Variants in DHRSX observed in about 807,000 individuals in gnomAD.
DHRSX encodes the protein dehydrogenase/reductase X-linked.
Under a neutral mutation model 34.0 loss-of-function variants are expected in DHRSX, and 31 were observed. That is an observed-to-expected ratio of 0.91 (90% CI 0.69 to 1.23). The LOEUF is 1.23. DHRSX is among the 50% of genes most tolerant of loss of function. The probability of loss-of-function intolerance (pLI) is 0.00; values close to 1 mark genes in which losing one functional copy is unlikely to be tolerated. For synonymous variants in DHRSX, 201 were observed against 183.8 expected (o/e 1.09, Z -0.76); for missense variants, 414 against 428.1 (o/e 0.97, Z 0.29).
At chrX:2,474,359 T>G (rs1259126869) in intron 1 of DHRSX, among the ~76,000 whole-genome samples, 1 of 152,064 alleles carries the variant, frequency 6.6e-6, no homozygotes, top group Non-Finnish European at 1.5e-5. Flanking sequence ...TCCCTAAGAA[T>G]GGGGCCAAGG....
intron 4 of DHRSX, among the ~76,000 whole-genome samples, chrX:2,289,384 T>C (rs1429548342): frequency 1.3e-5 from 2 of 152,074 alleles, no homozygotes; most frequent in African/African-American, 2.4e-5. Flanking sequence ...TCCCAAAGTG[T>C]TGGGATTACA....
intron 1 of DHRSX, among the ~76,000 whole-genome samples, chrX:2,466,824 G>A (rs908974270): frequency 1.3e-5 from 2 of 152,072 alleles, no homozygotes; most frequent in African/African-American, 4.8e-5. Context: ...CCAGCCCTTT[G>A]GGAGGCCAAG....
intron 1 of DHRSX, among the ~76,000 whole-genome samples, chrX:2,450,232 G>A (rs4892906): frequency 0.54 from 81,973 of 151,880 alleles, 23,613 homozygotes; most frequent in African/African-American, 0.74. Flanking sequence ...CACTTGTCAA[G>A]AACAGTGTTT....
chrX:2,304,023 TGATGGATG>T (rs745829295), intron 3 of DHRSX, among the ~76,000 whole-genome samples: 6,086 of 67,720 alleles, frequency 0.09, 232 homozygotes, highest in African/African-American at 0.16. Context: ...ATGGATGAAC[TGATGGATG>T]GATGGATGGA....
intron 3 of DHRSX, among the ~76,000 whole-genome samples, chrX:2,340,428 G>T (rs2042625974): frequency 6.6e-6 from 1 of 151,342 alleles, no homozygotes; most frequent in Non-Finnish European, 1.5e-5. Context: ...GTATTCCATG[G>T]TGTGTGTGTG....
intron 3 of DHRSX, among the ~76,000 whole-genome samples, chrX:2,361,134 G>A (rs1305078063): frequency 6.6e-6 from 1 of 152,024 alleles, no homozygotes; most frequent in Non-Finnish European, 1.5e-5. Context: ...TTTGTGAGAT[G>A]GAGTTTTCAC....
At position 2,428,066 on chromosome X, in the gene DHRSX, C is replaced by T. The variant is rs960528413; in HGVS notation, c.110-2762G>A. ...CGGGAATTAAATAATGTGTACACGT[C>T]GACATAGAGCATAAAAAATAGACAT... On this transcript the variant is annotated intron_variant, in intron 1 of 6. Coordinates refer to ENST00000334651, the MANE Select transcript of DHRSX (RefSeq NM_145177.3). Among the ~76,000 whole-genome samples, 9 of 152,050 alleles carry T rather than the reference C, an allele frequency of 5.9e-5. No individual in the cohort carries two copies. In the South Asian group the frequency reaches 6.2e-4, roughly 11 times the overall value.
intron 3 of DHRSX, among the ~76,000 whole-genome samples, chrX:2,304,224 G>A (rs1169540976): frequency 3.8e-5 from 5 of 132,862 alleles, no homozygotes; most frequent in South Asian, 2.7e-4. Context: ...TGGATGGATG[G>A]ATGGATGGAT....
rs973984226 is a variant in DHRSX, at chrX:2,490,256, G to T, written c.109+10561C>A. Reference sequence around the variant, plus strand: ...GGGCAGCTCATACCGGGGGTCGGCCGTCTTCAGCAGCACCTTGAAGGTGGG... The same window carrying T: ...GGGCAGCTCATACCGGGGGTCGGCCTTCTTCAGCAGCACCTTGAAGGTGGG... On this transcript the variant is annotated intron_variant, in intron 1 of 6. Coordinates refer to ENST00000334651, the MANE Select transcript of DHRSX (RefSeq NM_145177.3). 1.9e-6 allele frequency: 3 copies of T among 1,613,802 alleles called. No individual in the cohort carries two copies. In the Admixed American group the frequency reaches 5.0e-5, roughly 27 times the overall value.
At position 2,349,618 on chromosome X, in the gene DHRSX, C is replaced by T. The variant is rs1348806980; in HGVS notation, c.287-58015G>A. ...AAGAGAATCACTTGAACTTGGGAGG[C>T]GGAGGTTGCAGTGAGCTGAGATCAC... is the stretch of plus-strand genomic sequence containing the variant. On this transcript the variant is annotated intron_variant, in intron 3 of 6. Coordinates refer to ENST00000334651, the MANE Select transcript of DHRSX (RefSeq NM_145177.3). 4.6e-5 allele frequency among the ~76,000 whole-genome samples: 7 copies of T among 151,792 alleles called. No individual in the cohort carries two copies. In the South Asian group the frequency reaches 1.0e-3, roughly 23 times the overall value.
Position 2,242,989 on chromosome X carries a change from G to A in DHRSX, c.804+34C>T, listed in dbSNP as rs772737814. On this transcript the variant is annotated intron_variant, in intron 6 of 6. Coordinates refer to ENST00000334651, the MANE Select transcript of DHRSX (RefSeq NM_145177.3). The stretch of plus-strand genomic sequence containing the variant: ...CCCCTTTCCTGTAGCATCTTCAGGT[G>A]CAGCCGTGAATCAGAGAAGCAGAAG... 8.1e-6 allele frequency: 13 copies of A among 1,598,556 alleles called. No individual in the cohort carries two copies. In the African/African-American group the frequency reaches 1.1e-4, roughly 13 times the overall value.
chrX:2,323,155 A>C (rs1224008953), intron 3 of DHRSX, among the ~76,000 whole-genome samples: 2 of 152,156 alleles, frequency 1.3e-5, no homozygotes, highest in Non-Finnish European at 2.9e-5. Context: ...AAGCTCAAAG[A>C]GGTACAAGAA....
At position 2,496,558 on chromosome X, in the gene DHRSX, C is replaced by T. The variant is rs371855988; in HGVS notation, c.109+4259G>A. 7.2e-5 allele frequency among the ~76,000 whole-genome samples: 11 copies of T among 152,062 alleles called. No individual in the cohort carries two copies. In the East Asian group the frequency reaches 1.5e-3, roughly 21 times the overall value. ...GTATACTGCTTGGGTGATGGGTGCA[C>T]CAGAATCTCACAAATCACCACTAAA... On this transcript the variant is annotated intron_variant, in intron 1 of 6. Transcript: ENST00000334651.
At chrX:2,261,289 G>C (rs1417456007) in intron 5 of DHRSX, 1 of 152,086 alleles carries the variant, frequency 6.6e-6, no homozygotes, top group Non-Finnish European at 1.5e-5. Flanking sequence ...TGTTTTTATA[G>C]GAATAAAAAC....
intron 2 of DHRSX, among the ~76,000 whole-genome samples, chrX:2,418,261 T>TACATTCTACTCAACTACTTCATC (rs1404264040): frequency 6.6e-6 from 1 of 152,004 alleles, no homozygotes; most frequent in Non-Finnish European, 1.5e-5. Flanking sequence ...AAGACTTCAT[T>TACATTCTACTCAACTACTTCATC]ACATTCTACT....
At chrX:2,445,033 G>A (rs1370773911) in intron 1 of DHRSX, among the ~76,000 whole-genome samples, 1 of 151,766 alleles carries the variant, frequency 6.6e-6, no homozygotes, top group African/African-American at 2.4e-5. Flanking sequence ...GGCGGACACC[G>A]GTAATCCCAG....
At chrX:2,330,061 G>T (rs1456940364) in intron 3 of DHRSX, among the ~76,000 whole-genome samples, 2 of 13,970 alleles carry the variant, frequency 1.4e-4, no homozygotes, top group African/African-American at 4.9e-4. Flanking sequence ...TGAGAGAGAA[G>T]CAGAGAGACG....
intron 1 of DHRSX, chrX:2,490,127 G>A: frequency 1.9e-6 from 3 of 1,613,958 alleles, no homozygotes; most frequent in Non-Finnish European, 2.5e-6. Context: ...CCACATGTCG[G>A]TGGAGATGCC....
At chrX:2,469,320 G>C (rs754792904) in intron 1 of DHRSX, among the ~76,000 whole-genome samples, 12 of 151,618 alleles carry the variant, frequency 7.9e-5, no homozygotes, top group African/African-American at 2.7e-4. Context: ...GTGGATAAGG[G>C]ACCGCCGCCA....
Sources: allele counts gnomAD v4.1 joint callset (sites outside exome capture counted in the v4.1 genomes callset), GRCh38; gene constraint gnomAD v4.1.1; transcripts MANE v1.5; gene names NCBI Gene and HGNC (gene_info 2026-07-23, HGNC 2026-07-21).